The following BTD variants were observed in gnomAD, a reference collection of about 807,000 sequenced individuals.
BTD encodes biocytinase.
Under a neutral mutation model 17.7 loss-of-function variants are expected in BTD, and 13 were observed. That is an observed-to-expected ratio of 0.74 (90% CI 0.48 to 1.17). The LOEUF (loss-of-function observed/expected upper bound fraction) is 1.17, where lower values mean the gene tolerates loss of function less well. Among genes scored for constraint, BTD ranks in the 50% most tolerant of loss-of-function variants. The pLI, the probability that BTD is intolerant of heterozygous loss-of-function variation, is 0.00. For missense variants in BTD, 674 were observed against 650.4 expected, an observed-to-expected ratio of 1.04 and a Z score of -0.39; for synonymous variants, 240 against 245.2, an observed-to-expected ratio of 0.98 and a Z score of 0.20.
rs1202539838 is a variant in BTD, at chr3:15,645,637, AAGT to A, written c.*152_*154del. 1.8e-5 allele frequency: 15 copies of A among 843,598 alleles called. No individual in the cohort carries two copies. The highest frequency in any genetic ancestry group is 2.4e-5 in the Non-Finnish European group (13 of 552,592). The allele number at this position is 843,598 out of a possible 1,614,324, so 52.3% of individuals were successfully genotyped here. On this transcript the variant is annotated 3_prime_UTR_variant, in exon 4 of 4. Coordinates refer to ENST00000643237, the MANE Select transcript of BTD (RefSeq NM_001370658.1). ...GATTCCACCCTGGGAACTGTGGAAA[AAGT>A]AGGAGAGGCAGATTCCCTCAGTGTC...
At position 15,701,543 on chromosome 3, in the gene BTD, C is replaced by G. The variant is rs374572728; in HGVS notation, c.400-8517C>G. On this transcript the variant is annotated intron_variant, in intron 3 of 3. Transcript: ENST00000672141. ...CCTGTAATCCCAGCTCCTCGGGAGG[C>G]TGAGGCAGGAGAATCACTTGAACCC... is the stretch of plus-strand genomic sequence containing the variant. Among the ~76,000 whole-genome samples the G allele has an allele frequency of 2.3e-3, 356 of 152,142 alleles. 2 individuals are homozygous for G. Among genetic ancestry groups the G allele is most frequent in the African/African-American group, 7.8e-3 (322 of 41,490 alleles).
chr3:15,643,041 A>T (rs13066152), intron 3 of BTD, among the ~76,000 whole-genome samples: 40,989 of 134,710 alleles, frequency 0.3, 6,814 homozygotes, highest in Middle Eastern at 0.44. Context: ...AAAAAAAAAA[A>T]AAATAAAATA....
At chr3:15,619,597 G>A (rs1201313272) in intron 1 of BTD, among the ~76,000 whole-genome samples, 1 of 152,136 alleles carries the variant, frequency 6.6e-6, no homozygotes, top group African/African-American at 2.4e-5. Flanking sequence ...TGTGGTTTTT[G>A]CCATTGAAAG....
intron 4 of BTD, among the ~76,000 whole-genome samples, chr3:15,718,358 C>T (rs1398351924): frequency 1.3e-5 from 2 of 152,182 alleles, no homozygotes; most frequent in African/African-American, 2.4e-5. Flanking sequence ...TTAAATATAT[C>T]TTAATGCCTT....
intron 3 of BTD, chr3:15,678,265 G>A (rs994313540): frequency 9.3e-6 from 15 of 1,612,972 alleles, no homozygotes; most frequent in Non-Finnish European, 1.0e-5. Context: ...TTTCCCTGTA[G>A]AGTCCACAGA....
At chr3:15,630,187 A>G in intron 1 of BTD, 1 of 597,072 alleles carries the variant, frequency 1.7e-6, no homozygotes, top group Non-Finnish European at 2.1e-6. Flanking sequence ...GTCTTGTTTA[A>G]CTGTAAAAGA....
At chr3:15,717,039 T>C (rs1360798100), downstream of BTD, among the ~76,000 whole-genome samples, 1 of 152,230 alleles carries the variant, frequency 6.6e-6, no homozygotes, top group East Asian at 1.9e-4. Context: ...CCCTATCAGA[T>C]TGATACCATT....
intron 3 of BTD, among the ~76,000 whole-genome samples, chr3:15,663,938 G>C (rs941176120): frequency 1.3e-5 from 2 of 152,126 alleles, no homozygotes; most frequent in Admixed American, 6.5e-5. Flanking sequence ...TTTCACTCTT[G>C]TTGCCCAGGC....
At chr3:15,608,565 A>G (rs2064522405) in intron 1 of BTD, among the ~76,000 whole-genome samples, 1 of 152,154 alleles carries the variant, frequency 6.6e-6, no homozygotes, top group South Asian at 2.1e-4. Context: ...CAGTAGATTG[A>G]CACCATCCTG....
At chr3:15,617,021 A>T (rs1008688525) in intron 1 of BTD, among the ~76,000 whole-genome samples, 1 of 152,000 alleles carries the variant, frequency 6.6e-6, no homozygotes, top group Non-Finnish European at 1.5e-5. Context: ...TTTAGTAGAG[A>T]CGGGGGTTTC....
chr3:15,709,754 A>C (rs1053785390), intron 3 of BTD: 2 of 1,522,734 alleles, frequency 1.3e-6, no homozygotes, highest in Non-Finnish European at 1.8e-6. Context: ...GAGAAAATAC[A>C]GTTAGAAAAC....
rs140948135 is a variant in BTD, at chr3:15,712,389, G to A, written c.*2315G>A. On this transcript the variant is annotated 3_prime_UTR_variant, in exon 4 of 4. Coordinates refer to the BTD transcript ENST00000672141. The stretch of plus-strand genomic sequence containing the variant: ...GTTTGATGGTGGGCATAACTTATTA[G>A]CCAGCTATTTTTCTCCAAAAGTCAG... Among the ~76,000 whole-genome samples, 433 of 152,314 alleles carry A rather than the reference G, an allele frequency of 2.8e-3. 2 individuals carry two copies. Among genetic ancestry groups the A allele is most frequent in the Middle Eastern group, 0.01 (3 of 294 alleles).
intron 2 of BTD, among the ~76,000 whole-genome samples, chr3:15,636,463 T>G (rs1483861760): frequency 6.6e-6 from 1 of 152,172 alleles, no homozygotes; most frequent in Non-Finnish European, 1.5e-5. Context: ...GAGGGAAATA[T>G]CAGAGGTTGC....
At chr3:15,622,964 A>T (rs1471012864) in intron 1 of BTD, among the ~76,000 whole-genome samples, 1 of 152,218 alleles carries the variant, frequency 6.6e-6, no homozygotes, top group African/African-American at 2.4e-5. Flanking sequence ...GGTTTAATGG[A>T]CTCACAGTTC....
At chr3:15,675,719 T>C (rs986176960) in intron 3 of BTD, among the ~76,000 whole-genome samples, 2 of 152,236 alleles carry the variant, frequency 1.3e-5, no homozygotes, top group African/African-American at 2.4e-5. Flanking sequence ...CGGAAGTACA[T>C]CTGTTAGATA....
chr3:15,654,656 C>A (rs1269190030), downstream of BTD, among the ~76,000 whole-genome samples: 1 of 152,070 alleles, frequency 6.6e-6, no homozygotes, highest in Non-Finnish European at 1.5e-5. Context: ...ACTGCACCCT[C>A]TGCCTCCCGG....
At chr3:15,660,666 C>T (rs1216768332) in intron 3 of BTD, among the ~76,000 whole-genome samples, 1 of 152,060 alleles carries the variant, frequency 6.6e-6, no homozygotes, top group East Asian at 1.9e-4. Context: ...AAATATAAAA[C>T]CAATTTATGT....
rs1208774494 is a variant in BTD at position 15,649,205 on chromosome 3, C to T, written c.*3717C>T. Among the ~76,000 whole-genome samples the T allele has an allele frequency of 6.6e-6, 1 of 152,248 alleles. No individual in the cohort carries two copies. Among genetic ancestry groups the T allele is most frequent in the African/African-American group, 2.4e-5 (1 of 41,460 alleles). ...CTGCTAGCAAAAGGTCTCAGCTCCT[C>T]ACCACTTGGGTCTTTCCATAGGGAT... On this transcript the variant is annotated 3_prime_UTR_variant, in exon 4 of 4. Transcript: ENST00000643237.
intron 3 of BTD, among the ~76,000 whole-genome samples, chr3:15,697,846 GA>G (rs2069887882): frequency 1.3e-5 from 2 of 152,172 alleles, no homozygotes; most frequent in African/African-American, 4.8e-5. Context: ...ATTCGGCTGT[GA>G]ATCCATCTGG....
Sources: gnomAD v4.1 joint callset for allele counts (sites outside exome capture counted in the v4.1 genomes callset) on GRCh38, gnomAD v4.1.1 for gene constraint, MANE v1.5 for transcripts, NCBI Gene and HGNC (gene_info 2026-07-23, HGNC 2026-07-21) for gene names.